Variants in GRIK3 observed in about 807,000 individuals in gnomAD.
GRIK3 encodes glutamate ionotropic receptor kainate type subunit 3.
In GRIK3, 29 loss-of-function variants were observed where a neutral mutation model predicts 102.5. The observed-to-expected ratio is 0.28, with a 90% confidence interval of 0.21 to 0.39. The LOEUF (loss-of-function observed/expected upper bound fraction) is 0.39. GRIK3 is among the 10% of genes least tolerant of loss of function. The pLI is 1.00. For missense variants in GRIK3, 908 were observed against 1,252.4 expected, an observed-to-expected ratio of 0.73 and a Z score of 4.15; for synonymous variants, 511 against 504.9, an observed-to-expected ratio of 1.01 and a Z score of -0.16.
intron 1 of GRIK3, among the ~76,000 whole-genome samples, chr1:36,953,159 G>A (rs985347602): frequency 6.6e-6 from 1 of 152,168 alleles, no homozygotes; most frequent in Non-Finnish European, 1.5e-5. Flanking sequence ...CTAGCACTGA[G>A]GACAACGTGT....
At position 36,805,149 on chromosome 1, in the gene GRIK3, C is replaced by T; in HGVS notation, c.2403G>A (p.Arg801=). 1.2e-6 allele frequency: 2 copies of T among 1,614,190 alleles called. No individual in the cohort carries two copies. The highest frequency in any genetic ancestry group is 1.7e-6 in the Non-Finnish European group (2 of 1,180,024). Reference sequence around the variant, plus strand: ...TTTCCTCCTCAGGACACCCGCTGCCCCGCCACCACTTCTCCTTCATGATAT... The same window carrying T: ...TTTCCTCCTCAGGACACCCGCTGCCTCGCCACCACTTCTCCTTCATGATAT... ...KLHIMKEKWW[R]GSGCPEEENK... is the part of the protein sequence containing the mutation. Residue 801 remains arginine (R), a synonymous_variant, in exon 15 of 16, where the codon CGG becomes CGA. Coordinates refer to ENST00000373091, the MANE Select transcript of GRIK3 (RefSeq NM_000831.4).
chr1:36,981,995 G>A (rs913791113), intron 1 of GRIK3, among the ~76,000 whole-genome samples: 5 of 152,148 alleles, frequency 3.3e-5, no homozygotes, highest in African/African-American at 1.2e-4. Flanking sequence ...GAGTGTGGAG[G>A]AGGTGCTGCA....
chr1:37,025,390 CGGATGG>C (rs1642756009), intron 1 of GRIK3, among the ~76,000 whole-genome samples: 1 of 152,178 alleles, frequency 6.6e-6, no homozygotes, highest in South Asian at 2.1e-4. Flanking sequence ...AGAAGCTCTG[CGGATGG>C]GGCCCAGCAA....
intron 13 of GRIK3, among the ~76,000 whole-genome samples, chr1:36,812,667 G>A (rs1232082462): frequency 6.6e-6 from 1 of 151,982 alleles, no homozygotes; most frequent in Non-Finnish European, 1.5e-5. Flanking sequence ...GGGTGGGGGC[G>A]AGGGATCGAG....
intron 10 of GRIK3, among the ~76,000 whole-genome samples, chr1:36,837,910 G>T (rs1281521267): frequency 6.6e-6 from 1 of 152,216 alleles, no homozygotes; most frequent in Non-Finnish European, 1.5e-5. Context: ...AGTTCCCTGT[G>T]TGTCTGATCA....
Position 36,969,730 on chromosome 1 carries a change from G to A in GRIK3, c.115+64264C>T, listed in dbSNP as rs1439123211. ...AGTGAAATTCACCAAGGGAAGACAC[G>A]GAACTCACAGAGTTCAATGCAGTCT... On this transcript the variant is annotated intron_variant, in intron 1 of 15. Transcript: ENST00000373091. Among the ~76,000 whole-genome samples, 7 of 152,216 alleles carry A rather than the reference G, an allele frequency of 4.6e-5. No homozygotes were observed. The South Asian group carries it at 1.0e-3, about 22-fold the overall frequency.
intron 9 of GRIK3, among the ~76,000 whole-genome samples, chr1:36,844,865 T>C (rs572294): frequency 0.2 from 30,646 of 152,020 alleles, 3,756 homozygotes; most frequent in African/African-American, 0.36. Flanking sequence ...AAACTCATGG[T>C]TGATAGCGGA....
chr1:37,034,343 T>C lies in GRIK3; in HGVS notation c.-235A>G, dbSNP rs1371063731. ...CCCACGGGCTGCCCGCGAGCGAGGC[T>C]CCTGGGCTCCGCCCGGACTCCGCTC... is the stretch of plus-strand genomic sequence containing the variant. On this transcript the variant is annotated 5_prime_UTR_variant, in exon 1 of 16. Transcript: ENST00000373091. Among the ~76,000 whole-genome samples the C allele has an allele frequency of 2.7e-5, 4 of 149,396 alleles. No homozygotes were observed. Among genetic ancestry groups the C allele is most frequent in the African/African-American group, 9.8e-5 (4 of 40,790 alleles).
At chr1:36,915,736 A>G (rs1641392043) in intron 1 of GRIK3, among the ~76,000 whole-genome samples, 1 of 152,182 alleles carries the variant, frequency 6.6e-6, no homozygotes, top group South Asian at 2.1e-4. Context: ...GCCACCATGT[A>G]AGACATGCCT....
At chr1:36,804,379 C>G (rs971664359) in intron 15 of GRIK3, among the ~76,000 whole-genome samples, 1 of 152,150 alleles carries the variant, frequency 6.6e-6, no homozygotes, top group Admixed American at 6.5e-5. Context: ...GGAGTGAGTC[C>G]AGGGCATTAG....
In GRIK3 at chr1:36,841,789, C is replaced by T. The variant is rs1006805421; in HGVS notation, c.1477G>A (p.Ala493Thr). 2.5e-6 allele frequency: 4 copies of T among 1,614,074 alleles called. No homozygotes were observed. The highest frequency in any genetic ancestry group is 1.3e-5 in the African/African-American group (1 of 74,932). ...IRLVEDGKYG[A>T]QDDKGQWNGM... ...TTCCACTGGCCCTTGTCATCCTGTGCCCCGTACTTGCCGTCCTCCACCAGC... is the reference window on the plus strand; with the variant it reads ...TTCCACTGGCCCTTGTCATCCTGTGTCCCGTACTTGCCGTCCTCCACCAGC... Residue 493 changes from alanine (A) to threonine (T), a missense_variant, in exon 10 of 16, where the codon GCA (alanine) becomes ACA (threonine). Physicochemically the swap from Ala to Thr is moderately conservative, Grantham distance 58 (BLOSUM62 0). Transcript: ENST00000373091.
rs568664115 is a variant in GRIK3, at chr1:36,948,289, G to C, written c.116-57193C>G. On this transcript the variant is annotated intron_variant, in intron 1 of 15. Coordinates refer to ENST00000373091, the MANE Select transcript of GRIK3 (RefSeq NM_000831.4). ...GACGCCCTACTATGTGCCAATGCTG[G>C]AGGAATTTCTACTGTGTGCCAGATC... 1.5e-4 allele frequency among the ~76,000 whole-genome samples: 23 copies of C among 152,334 alleles called. No individual in the cohort carries two copies. In the South Asian group the frequency reaches 4.6e-3, roughly 30 times the overall value.
At chr1:36,933,300 C>T (rs149215073) in intron 1 of GRIK3, among the ~76,000 whole-genome samples, 7 of 152,284 alleles carry the variant, frequency 4.6e-5, no homozygotes, top group Admixed American at 1.3e-4. Flanking sequence ...TCAGTTCACA[C>T]GCATTACAGC....
At chr1:37,001,618 A>G (rs1301620097) in intron 1 of GRIK3, among the ~76,000 whole-genome samples, 3 of 152,234 alleles carry the variant, frequency 2.0e-5, no homozygotes, top group Admixed American at 2.0e-4. Context: ...AAAGAAAAAA[A>G]AAACGTGGAT....
In GRIK3 at chr1:36,797,039, G is replaced by T. The variant is rs927316773; in HGVS notation, c.*4812C>A. 7 of 152,126 alleles carry T rather than the reference G, an allele frequency of 4.6e-5. No individual in the cohort carries two copies. The highest frequency in any genetic ancestry group is 7.2e-5 in the African/African-American group (3 of 41,386). The allele number at this position is 152,126 out of a possible 1,614,324, so 9.4% of individuals were successfully genotyped here. The stretch of plus-strand genomic sequence containing the variant: ...TGCCCCTCCCACAGGAGGCCCTGGC[G>T]GTGCAGGACTCACCTGGCAGCACCA... On this transcript the variant is annotated 3_prime_UTR_variant, in exon 16 of 16. Transcript: ENST00000373091.
At chr1:36,957,558 G>GTGTGCTCTGTGAGTC (rs1641933967) in intron 1 of GRIK3, among the ~76,000 whole-genome samples, 2 of 120,628 alleles carry the variant, frequency 1.7e-5, no homozygotes, top group Non-Finnish European at 3.4e-5. Flanking sequence ...CCGTGAGCCT[G>GTGTGCTCTGTGAGTC]TGTGCTCTGT....
At chr1:36,887,868 C>T (rs1164477085) in intron 2 of GRIK3, among the ~76,000 whole-genome samples, 1 of 150,378 alleles carries the variant, frequency 6.6e-6, no homozygotes, top group East Asian at 1.9e-4. Flanking sequence ...CTACAGAAAC[C>T]ACCAGAATGG....
intron 1 of GRIK3, among the ~76,000 whole-genome samples, chr1:37,030,375 G>C (rs776774245): frequency 1.3e-5 from 2 of 152,132 alleles, no homozygotes; most frequent in South Asian, 4.1e-4. Context: ...AGATGAGGCC[G>C]GTTTGGGAAC....
At chr1:36,998,994 G>C (rs529399309) in intron 1 of GRIK3, among the ~76,000 whole-genome samples, 2 of 143,942 alleles carry the variant, frequency 1.4e-5, no homozygotes, top group African/African-American at 5.6e-5. Flanking sequence ...GTGTGTGTGT[G>C]TGTGTGTGTG....
Sources: gnomAD v4.1 joint callset for allele counts (sites outside exome capture counted in the v4.1 genomes callset) on GRCh38, gnomAD v4.1.1 for gene constraint, MANE v1.5 for transcripts, NCBI Gene and HGNC (gene_info 2026-07-23, HGNC 2026-07-21) for gene names.